The following FRMPD4 variants were observed in gnomAD, a reference collection of about 807,000 sequenced individuals.
The protein encoded by FRMPD4 is FERM and PDZ domain containing 4.
A neutral mutation model predicts 94.1 loss-of-function variants in FRMPD4; 22 were observed. That is an observed-to-expected ratio of 0.23 (90% CI 0.17 to 0.33). The LOEUF is 0.33. FRMPD4 is among the 10% of genes least tolerant of loss of function. The pLI is 1.00. For missense variants in FRMPD4, 1,111 were observed against 1,339.9 expected, an observed-to-expected ratio of 0.83 and a Z score of 2.67; for synonymous variants, 631 against 548.6, an observed-to-expected ratio of 1.15 and a Z score of -2.10.
intron 1 of FRMPD4, among the ~76,000 whole-genome samples, chrX:12,489,739 A>G (rs1301955068): frequency 8.9e-6 from 1 of 111,968 alleles, no homozygotes; most frequent in Non-Finnish European, 1.9e-5. Flanking sequence ...AATGATTGGT[A>G]TGGGTTAAAC....
intron 1 of FRMPD4, among the ~76,000 whole-genome samples, chrX:12,340,467 CAATTTG>C (rs2055594520): frequency 9.0e-6 from 1 of 111,064 alleles, no homozygotes; most frequent in Non-Finnish European, 1.9e-5. Flanking sequence ...TCAAAGTAGG[CAATTTG>C]TCCTTTAGTA....
intron 4 of FRMPD4, among the ~76,000 whole-genome samples, chrX:12,670,925 G>A (rs151097621): frequency 0.021 from 2,317 of 112,222 alleles, 37 homozygotes; most frequent in Non-Finnish European, 0.029. Context: ...AAAAGTGGGC[G>A]AAGGATATGA....
intron 1 of FRMPD4, among the ~76,000 whole-genome samples, chrX:12,286,556 T>A (rs1452163357): frequency 2.7e-5 from 3 of 112,345 alleles, no homozygotes; most frequent in Non-Finnish European, 5.6e-5. Context: ...TACTGCCATT[T>A]TGTGATTAGC....
intron 14 of FRMPD4, 50 bp from the exon 15 acceptor site, chrX:12,716,019 C>CAA: frequency 2.2e-6 from 1 of 449,311 alleles, no homozygotes; most frequent in Non-Finnish European, 3.5e-6. Flanking sequence ...CCGCCCCACC[C>CAA]AAAACCAGAC....
chrX:12,243,860 A>G (rs1292260613), intron 1 of FRMPD4, among the ~76,000 whole-genome samples: 2 of 82,650 alleles, frequency 2.4e-5, no homozygotes, highest in Non-Finnish European at 4.3e-5. Flanking sequence ...AGGCTGGACT[A>G]GAGTACAGAA....
At chrX:12,197,550 C>T (rs752501549) in intron 1 of FRMPD4, among the ~76,000 whole-genome samples, 3 of 111,323 alleles carry the variant, frequency 2.7e-5, no homozygotes, top group East Asian at 2.8e-4. Context: ...TAAGTTTGAA[C>T]GTGGATGATG....
intron 3 of FRMPD4, among the ~76,000 whole-genome samples, chrX:12,087,058 G>C (rs1240468504): frequency 9.0e-6 from 1 of 111,479 alleles, no homozygotes; most frequent in Non-Finnish European, 1.9e-5. Flanking sequence ...GGCCCCAAGG[G>C]AGAGTCTCTC....
chrX:12,038,774 C>G (rs1223899004), intron 3 of FRMPD4, among the ~76,000 whole-genome samples: 1 of 111,718 alleles, frequency 9.0e-6, no homozygotes, highest in Non-Finnish European at 1.9e-5. Flanking sequence ...TTTAACTTCC[C>G]TAGGATTGAT....
chrX:12,166,779 G>A (rs1161602693), intron 1 of FRMPD4, among the ~76,000 whole-genome samples: 1 of 111,520 alleles, frequency 9.0e-6, no homozygotes, highest in Non-Finnish European at 1.9e-5. Context: ...TTTAGCCTTG[G>A]GAGGGTGTAT....
intron 1 of FRMPD4, among the ~76,000 whole-genome samples, chrX:12,288,088 C>G (rs2054627526): frequency 8.9e-6 from 1 of 112,001 alleles, no homozygotes; most frequent in Admixed American, 9.4e-5. Flanking sequence ...AGAGTTTAAT[C>G]TTCCCTTTAC....
At chrX:12,611,878 T>TA (rs35631024) in intron 3 of FRMPD4, among the ~76,000 whole-genome samples, 35,397 of 97,028 alleles carry the variant, frequency 0.36, 6,414 homozygotes, top group Non-Finnish European at 0.53. Context: ...ACATGCTTTG[T>TA]AAAAAAAAAA....
intron 3 of FRMPD4, among the ~76,000 whole-genome samples, chrX:11,879,513 T>C (rs2053802239): frequency 9.0e-6 from 1 of 111,289 alleles, no homozygotes; most frequent in Non-Finnish European, 1.9e-5. Context: ...TTGACTATTA[T>C]AGCATCTATC....
At chrX:12,315,809 T>C (rs1266623060) in intron 1 of FRMPD4, among the ~76,000 whole-genome samples, 1 of 111,813 alleles carries the variant, frequency 8.9e-6, no homozygotes, top group Non-Finnish European at 1.9e-5. Context: ...GGTTCTCAAC[T>C]GGGGTTGATT....
intron 1 of FRMPD4, among the ~76,000 whole-genome samples, chrX:12,476,776 C>T (rs1362038969): frequency 9.0e-6 from 1 of 111,521 alleles, no homozygotes; most frequent in Non-Finnish European, 1.9e-5. Flanking sequence ...TACGATCTCA[C>T]ACCAGTTAGA....
intron 1 of FRMPD4, among the ~76,000 whole-genome samples, chrX:12,232,998 A>G (rs998335577): frequency 1.8e-5 from 2 of 112,051 alleles, no homozygotes; most frequent in Non-Finnish European, 3.8e-5. Flanking sequence ...AATATAGTTT[A>G]TAGTCCTAAA....
intron 3 of FRMPD4, among the ~76,000 whole-genome samples, chrX:12,042,356 T>A (rs1351743356): frequency 9.0e-6 from 1 of 111,638 alleles, no homozygotes; most frequent in Non-Finnish European, 1.9e-5. Flanking sequence ...TGTTTGTTTA[T>A]ATATTTTTTC....
intron 3 of FRMPD4, among the ~76,000 whole-genome samples, chrX:12,002,955 C>T (rs1490629746): frequency 9.0e-6 from 1 of 111,512 alleles, no homozygotes; most frequent in Non-Finnish European, 1.9e-5. Context: ...CCCCAAAGAC[C>T]CAGACCCTGA....
intron 1 of FRMPD4, among the ~76,000 whole-genome samples, chrX:12,290,984 C>T: frequency 1.0e-5 from 1 of 98,145 alleles, no homozygotes; most frequent in South Asian, 5.3e-4. Context: ...CTTGGATTCC[C>T]TCCCCTTCAT....
At chrX:12,211,310 T>C (rs2056753346) in intron 1 of FRMPD4, among the ~76,000 whole-genome samples, 1 of 112,296 alleles carries the variant, frequency 8.9e-6, no homozygotes, top group Non-Finnish European at 1.9e-5. Flanking sequence ...ATGTGTCTCC[T>C]GATTCCCCGG....
Sources: allele counts gnomAD v4.1 joint callset (sites outside exome capture counted in the v4.1 genomes callset), GRCh38; gene constraint gnomAD v4.1.1; transcripts MANE v1.5; gene names NCBI Gene and HGNC (gene_info 2026-07-23, HGNC 2026-07-21).